Variants in SLC2A7 observed in about 807,000 individuals in gnomAD.
The protein encoded by SLC2A7 is solute carrier family 2, facilitated glucose transporter member 7.
A neutral mutation model predicts 50.5 loss-of-function variants in SLC2A7; 50 were observed. The ratio of observed to expected loss-of-function variants is 0.99; its 90% CI spans 0.79 to 1.25. The LOEUF (loss-of-function observed/expected upper bound fraction) is 1.25, where lower values mean the gene tolerates loss of function less well. Among genes scored for constraint, SLC2A7 ranks in the 50% most tolerant of loss-of-function variants. The probability of loss-of-function intolerance (pLI) is 0.00; values close to 1 mark genes in which losing one functional copy is unlikely to be tolerated. For synonymous variants in SLC2A7, 308 were observed against 300.4 expected, an observed-to-expected ratio of 1.03 and a Z score of -0.26; for missense variants, 683 against 679.1, an observed-to-expected ratio of 1.01 and a Z score of -0.06.
chr1:8,999,495 C>G (rs1206749074), downstream of SLC2A7, among the ~76,000 whole-genome samples: 1 of 152,180 alleles, frequency 6.6e-6, no homozygotes, highest in Non-Finnish European at 1.5e-5. Context: ...CCACTCACAC[C>G]AACTACAAAG....
rs1162143987 is a variant in SLC2A7 at position 9,023,838 on chromosome 1, CTTTTTTTTTTTT to C, written c.151-772_151-761del. Among the ~76,000 whole-genome samples, 38 of 17,138 alleles carry C rather than the reference CTTTTTTTTTTTT, an allele frequency of 2.2e-3. No individual in the cohort carries two copies. The South Asian group carries it at 0.027, about 12-fold the overall frequency. 11.2% of individuals were successfully genotyped at this position (17,138 alleles called of 152,430 possible). On this transcript the variant is annotated intron_variant, in intron 2 of 11. Transcript: ENST00000400906. The stretch of plus-strand genomic sequence containing the variant: ...AGGCACCATAGGAAATATTCTTCTT[CTTTTTTTTTTTT>C]TTTTTTTTTTTTTTTTTTTTTTTGA...
chr1:9,013,135 A>G (rs779449962), intron 8 of SLC2A7, among the ~76,000 whole-genome samples: 11 of 151,804 alleles, frequency 7.2e-5, no homozygotes, highest in Non-Finnish European at 1.6e-4. Flanking sequence ...CAAGTCATCC[A>G]CCTGCCTCAG....
At chr1:9,005,134 C>T (rs146613196) in intron 10 of SLC2A7, among the ~76,000 whole-genome samples, 3 of 152,338 alleles carry the variant, frequency 2.0e-5, no homozygotes, top group Non-Finnish European at 4.4e-5. Context: ...AGGCCAATGA[C>T]GCTCCATGAA....
chr1:9,014,927 C>G (rs1228521198), intron 6 of SLC2A7, 59 bp from the exon 7 acceptor site: 1 of 1,520,488 alleles, frequency 6.6e-7, no homozygotes, highest in Non-Finnish European at 8.8e-7. Context: ...GGGCCCCAAG[C>G]CCCCATGCTG....
In SLC2A7 at chr1:9,015,255, A is replaced by G. The variant is rs1176864309; in HGVS notation, c.590-13T>C. 6.3e-7 allele frequency: 1 copy of G among 1,578,982 alleles called. No individual in the cohort carries two copies. The highest frequency in any genetic ancestry group is 8.6e-7 in the Non-Finnish European group (1 of 1,166,772). On this transcript the variant is annotated splice_polypyrimidine_tract_variant and intron_variant, in intron 5 of 11. Coordinates refer to ENST00000400906, the MANE Select transcript of SLC2A7 (RefSeq NM_207420.3). The stretch of plus-strand genomic sequence containing the variant: ...AGCACCGGCCAGCCTGCAAGGAGCC[A>G]AGGACTCAGGATCCCGGGGCCTGGG...
At chr1:8,992,615 C>T in the SLC2A7 span, among the ~76,000 whole-genome samples, 6 of 152,108 alleles carry the variant, frequency 3.9e-5, no homozygotes, top group South Asian at 1.2e-3. Context: ...TTATTCAAGA[C>T]CTTTGTTTTC....
chr1:9,019,096 G>A, intron 4 of SLC2A7, 113 bp downstream of exon 4: 4 of 1,406,704 alleles, frequency 2.8e-6, no homozygotes, highest in Non-Finnish European at 3.8e-6. Flanking sequence ...ATGGGAGGAC[G>A]TCTTGAAATG....
intron 8 of SLC2A7, among the ~76,000 whole-genome samples, chr1:9,010,638 G>A (rs776003593): frequency 2.0e-5 from 3 of 152,010 alleles, no homozygotes; most frequent in African/African-American, 4.8e-5. Flanking sequence ...GATTACAGGC[G>A]TGAGCCACCG....
intron 5 of SLC2A7, among the ~76,000 whole-genome samples, chr1:9,015,723 C>CTTT (rs59752312): frequency 7.7e-6 from 1 of 129,428 alleles, no homozygotes; most frequent in Non-Finnish European, 1.6e-5. Flanking sequence ...TGGACAAGTT[C>CTTT]TTTTTTTTTT....
intron 3 of SLC2A7, 86 bp downstream of exon 3, chr1:9,022,832 G>A (rs758187031): frequency 6.5e-6 from 10 of 1,530,500 alleles, no homozygotes; most frequent in African/African-American, 2.7e-5. Flanking sequence ...AGGGTCACAC[G>A]TCTCCCCACC....
chr1:8,999,912 C>T (rs891116332), downstream of SLC2A7, among the ~76,000 whole-genome samples: 7 of 152,108 alleles, frequency 4.6e-5, no homozygotes, highest in African/African-American at 9.7e-5. Flanking sequence ...GTGCAGGGGA[C>T]GCAGCTGTCA....
intron 3 of SLC2A7, among the ~76,000 whole-genome samples, chr1:9,021,379 G>C (rs976541832): frequency 1.8e-4 from 27 of 152,066 alleles, no homozygotes; most frequent in African/African-American, 4.8e-4. Context: ...ACCCCTACAG[G>C]TCTGGGGGTG....
At chr1:9,020,460 T>A (rs191814719) in intron 3 of SLC2A7, among the ~76,000 whole-genome samples, 1 of 152,028 alleles carries the variant, frequency 6.6e-6, no homozygotes, top group Non-Finnish European at 1.5e-5. Context: ...AACAGCGCTA[T>A]GCCAGGTGCG....
At position 9,019,275 on chromosome 1, in the gene SLC2A7, C is replaced by T. The variant is rs772764178; in HGVS notation, c.370G>A (p.Val124Ile). The T allele has an allele frequency of 6.2e-7, 1 of 1,614,162 alleles. No homozygotes were observed. The highest frequency in any genetic ancestry group is 8.5e-7 in the Non-Finnish European group (1 of 1,180,004). Residue 124 changes from valine (V) to isoleucine (I), a missense_variant, in exon 4 of 12, where the codon GTC becomes ATC. Transcript: ENST00000400906. ...FAIIPAILMG[V>I]SKVAKAFELI... ...TCAAAAGCCTTGGCCACTTTGCTGA[C>T]TCCCATCAGGATGGCGGGGATGATG...
In SLC2A7 at chr1:9,014,814, C is replaced by A. The variant is rs149017120; in HGVS notation, c.770G>T (p.Arg257Leu). The A allele has an allele frequency of 6.2e-7, 1 of 1,605,434 alleles. No individual in the cohort carries two copies. The highest frequency in any genetic ancestry group is 1.1e-5 in the South Asian group (1 of 89,668). ...TDMEAELEDM[R>L]AEARAERAEG... The stretch of plus-strand genomic sequence containing the variant: ...GGCGCGCTCGGCCCGGGCCTCCGCA[C>A]GCATGTCCTCCAGCTCGGCCTCCAT... The change falls in exon 7 of 12, where the codon CGT becomes CTT. Residue 257 changes from arginine (R) to leucine (L), a missense_variant. Transcript: ENST00000400906.
intron 3 of SLC2A7, 133 bp from the exon 4 acceptor site, chr1:9,019,466 G>A (rs1640881554): frequency 6.2e-6 from 8 of 1,298,144 alleles, no homozygotes; most frequent in Non-Finnish European, 8.4e-6. Flanking sequence ...GAAGCAGGGG[G>A]CCGTGGACTG....
the SLC2A7 span, among the ~76,000 whole-genome samples, chr1:8,993,527 C>G: frequency 6.6e-6 from 1 of 152,136 alleles, no homozygotes; most frequent in African/African-American, 2.4e-5. Flanking sequence ...AGAAACATTT[C>G]GGGCCACTGT....
the SLC2A7 span, among the ~76,000 whole-genome samples, chr1:8,996,127 A>G: frequency 1.3e-5 from 2 of 152,232 alleles, no homozygotes; most frequent in African/African-American, 4.8e-5. Flanking sequence ...ATTTTGACAT[A>G]TATACACGTT....
chr1:9,013,490 C>T, intron 8 of SLC2A7, 35 bp downstream of exon 8: 1 of 1,588,008 alleles, frequency 6.3e-7, no homozygotes, highest in Non-Finnish European at 8.6e-7. Flanking sequence ...TGGCCAGAGA[C>T]CCTCCAGCAG....
Sources: gnomAD v4.1 joint callset for allele counts (sites outside exome capture counted in the v4.1 genomes callset) on GRCh38, gnomAD v4.1.1 for gene constraint, MANE v1.5 for transcripts, NCBI Gene and HGNC (gene_info 2026-07-23, HGNC 2026-07-21) for gene names.